The following LPP variants were observed in gnomAD, a reference collection of about 807,000 sequenced individuals.
LPP encodes lipoma-preferred partner.
A neutral mutation model predicts 60.4 loss-of-function variants in LPP; 38 were observed. The observed-to-expected ratio is 0.63, with a 90% CI of 0.49 to 0.83. LPP has a LOEUF of 0.83. LPP is among the 40% of genes least tolerant of loss of function. The pLI is 0.00. For missense variants in LPP, 902 were observed against 783.6 expected (o/e 1.15, Z -1.80); for synonymous variants, 328 against 290.8 (o/e 1.13, Z -1.30).
At chr3:188,755,513 T>C (rs1341302159) in intron 8 of LPP, among the ~76,000 whole-genome samples, 3 of 151,994 alleles carry the variant, frequency 2.0e-5, no homozygotes, top group Non-Finnish European at 4.4e-5. Context: ...AAAATAAATA[T>C]GACAACCCAG....
In LPP at chr3:188,890,638, A is replaced by G. The variant is rs1478104655; in HGVS notation, c.*16159A>G. 5.8e-6 allele frequency: 1 copy of G among 171,010 alleles called. No individual in the cohort carries two copies. Among genetic ancestry groups the G allele is most frequent in the Non-Finnish European group, 1.3e-5 (1 of 78,896 alleles). The allele number at this position is 171,010 out of a possible 1,614,324, so 10.6% of individuals were successfully genotyped here. On this transcript the variant is annotated 3_prime_UTR_variant, in exon 12 of 12. Coordinates refer to ENST00000617246, the MANE Select transcript of LPP (RefSeq NM_001375462.1). ...AAAAGAGTTGCAACTACTTTATTAT[A>G]TTTAGAAATCCAATAAACTTCTTAT...
chr3:188,252,085 C>A (rs1729957476), intron 2 of LPP, among the ~76,000 whole-genome samples: 4 of 129,234 alleles, frequency 3.1e-5, no homozygotes, highest in Non-Finnish European at 4.9e-5. Context: ...TACACACACA[C>A]ACACACATAT....
intron 7 of LPP, among the ~76,000 whole-genome samples, chr3:188,674,758 T>G (rs1857648100): frequency 6.6e-6 from 1 of 152,168 alleles, no homozygotes; most frequent in Non-Finnish European, 1.5e-5. Context: ...TGTACGAGAG[T>G]AGGTGTGCAA....
intron 1 of LPP, among the ~76,000 whole-genome samples, chr3:188,181,793 C>G (rs1274011067): frequency 1.3e-5 from 2 of 152,192 alleles, no homozygotes; most frequent in Non-Finnish European, 2.9e-5. Flanking sequence ...ATGAGCATAG[C>G]TCACTGCAGC....
intron 5 of LPP, among the ~76,000 whole-genome samples, chr3:188,500,600 T>C (rs938504471): frequency 5.3e-5 from 8 of 152,156 alleles, no homozygotes; most frequent in Non-Finnish European, 8.8e-5. Context: ...TCCTTCTTTT[T>C]AATTTTTTGG....
chr3:188,688,036 A>C (rs868679416), intron 7 of LPP, among the ~76,000 whole-genome samples: 1 of 152,116 alleles, frequency 6.6e-6, no homozygotes, highest in South Asian at 2.1e-4. Flanking sequence ...TCTTACCTTA[A>C]CTGCCCCAGG....
Position 188,886,958 on chromosome 3 carries a change from G to A in LPP, c.*12479G>A. 4.3e-6 allele frequency: 1 copy of A among 231,244 alleles called. No individual in the cohort carries two copies. The highest frequency in any genetic ancestry group is 8.6e-6 in the Non-Finnish European group (1 of 116,862). The allele number at this position is 231,244 out of a possible 1,614,324, so 14.3% of individuals were successfully genotyped here. ...TGCCAAAGCAATTTGAGGTGGGGGTGGAAACAGGTATTTATCTCTCATGCG... is the reference window on the plus strand; with the variant it reads ...TGCCAAAGCAATTTGAGGTGGGGGTAGAAACAGGTATTTATCTCTCATGCG... On this transcript the variant is annotated 3_prime_UTR_variant, in exon 12 of 12. Coordinates refer to ENST00000617246, the MANE Select transcript of LPP (RefSeq NM_001375462.1).
In LPP at chr3:188,843,380, T is replaced by C. The variant is rs183326645; in HGVS notation, c.1411-22820T>C. Among the ~76,000 whole-genome samples the C allele has an allele frequency of 4.4e-3, 669 of 152,296 alleles. 11 individuals are homozygous for C. Among genetic ancestry groups the C allele is most frequent in the African/African-American group, 0.014 (602 of 41,570 alleles). ...GTTCAAGTGGCAGCTCTGCGCTGGC[T>C]TGGCAGTGTAACTGGCCACTCCATC... is the stretch of plus-strand genomic sequence containing the variant. On this transcript the variant is annotated intron_variant, in intron 9 of 11. Transcript: ENST00000617246.
chr3:188,250,794 C>CTG (rs1553835809), intron 2 of LPP, among the ~76,000 whole-genome samples: 8 of 114,116 alleles, frequency 7.0e-5, no homozygotes, highest in Admixed American at 3.5e-4. Context: ...TTCTGTCTTT[C>CTG]TCTTTCTTTC....
chr3:188,595,238 CTTG>C (rs1457658413), intron 6 of LPP, among the ~76,000 whole-genome samples: 1 of 152,098 alleles, frequency 6.6e-6, no homozygotes, highest in African/African-American at 2.4e-5. Context: ...AATTTCAGTA[CTTG>C]TTGTCCTAAT....
chr3:188,881,139 C>CA lies in LPP; in HGVS notation c.*6679dup, dbSNP rs11328247. On this transcript the variant is annotated 3_prime_UTR_variant, in exon 12 of 12. Transcript: ENST00000617246. The stretch of plus-strand genomic sequence containing the variant: ...TGGGCGAAAGAGCGAGACTCCGTCT[C>CA]AAAAAAAAAAAAAAAAAAATAGGAT... 1.7e-3 allele frequency: 126 copies of CA among 72,586 alleles called. 6 individuals are homozygous for CA. The highest frequency in any genetic ancestry group is 7.1e-3 in the Middle Eastern group (1 of 140). 4.5% of individuals were successfully genotyped at this position (72,586 alleles called of 1,614,324 possible). A position where few individuals can be genotyped will look rare whatever the true frequency, so the allele number is the denominator to read the frequency against.
Position 188,485,729 on chromosome 3 carries a change from A to G in LPP, c.306+1025A>G, listed in dbSNP as rs559230033. 1.8e-3 allele frequency among the ~76,000 whole-genome samples: 254 copies of G among 141,870 alleles called. 1 individual carries two copies. The highest frequency in any genetic ancestry group is 5.1e-3 in the Admixed American group (68 of 13,210). The allele number at this position is 141,870 out of a possible 152,430, so 93.1% of individuals were successfully genotyped here. A position where few individuals can be genotyped will look rare whatever the true frequency, so the allele number is the denominator to read the frequency against. ...GGAGAATGGCGTGAACCCGGGAGGC[A>G]GAGCTTGCAGTGAGCCGAGATCGCA... On this transcript the variant is annotated intron_variant, in intron 5 of 11. Transcript: ENST00000617246.
At chr3:188,263,280 G>C (rs1342888810) in intron 2 of LPP, among the ~76,000 whole-genome samples, 2 of 152,172 alleles carry the variant, frequency 1.3e-5, no homozygotes, top group Non-Finnish European at 2.9e-5. Flanking sequence ...GAGGGTAGCG[G>C]GTGATGTTGG....
At chr3:188,278,892 G>T (rs1740957977) in intron 2 of LPP, among the ~76,000 whole-genome samples, 1 of 152,076 alleles carries the variant, frequency 6.6e-6, no homozygotes, top group African/African-American at 2.4e-5. Flanking sequence ...TCAGCCTGGG[G>T]CACTTATATT....
chr3:188,818,117 A>G (rs573249232), intron 9 of LPP, among the ~76,000 whole-genome samples: 1 of 152,310 alleles, frequency 6.6e-6, no homozygotes, highest in South Asian at 2.1e-4. Context: ...CAATCCCGGT[A>G]TTGAGCAAAC....
Position 188,878,337 on chromosome 3 carries a change from C to A in LPP, c.*3858C>A. ...GGAAACACTGATGTAACCTCAAAGC[C>A]TCTCACCATTCCTCTTGGCTTGGAA... On this transcript the variant is annotated 3_prime_UTR_variant, in exon 12 of 12. Transcript: ENST00000617246. 1 of 220,314 alleles carries A rather than the reference C, an allele frequency of 4.5e-6. No homozygotes were observed. Among genetic ancestry groups the A allele is most frequent in the Non-Finnish European group, 9.1e-6 (1 of 109,692 alleles). 13.6% of individuals were successfully genotyped at this position (220,314 alleles called of 1,614,324 possible).
At chr3:188,458,370 G>C (rs1234964462) in intron 4 of LPP, among the ~76,000 whole-genome samples, 2 of 152,166 alleles carry the variant, frequency 1.3e-5, no homozygotes, top group Non-Finnish European at 2.9e-5. Context: ...CATGAGCATA[G>C]TGCATTTTAA....
At chr3:188,304,626 G>A (rs1055839374) in intron 2 of LPP, among the ~76,000 whole-genome samples, 3 of 152,138 alleles carry the variant, frequency 2.0e-5, no homozygotes, top group African/African-American at 7.2e-5. Context: ...TAAAGGCTGA[G>A]CTCTGTTTCC....
chr3:188,183,458 C>T (rs1192505961), intron 1 of LPP, among the ~76,000 whole-genome samples: 2 of 152,158 alleles, frequency 1.3e-5, no homozygotes, highest in Non-Finnish European at 2.9e-5. Context: ...TCACTGTCCC[C>T]TCTGTATCAG....
Sources: gnomAD v4.1 joint callset for allele counts (sites outside exome capture counted in the v4.1 genomes callset) on GRCh38, gnomAD v4.1.1 for gene constraint, MANE v1.5 for transcripts, NCBI Gene and HGNC (gene_info 2026-07-23, HGNC 2026-07-21) for gene names.